The following PWWP2A variants were observed in gnomAD, a reference collection of about 807,000 sequenced individuals.
The protein encoded by PWWP2A is PWWP domain-containing protein 2A.
Under a neutral mutation model 48.5 loss-of-function variants are expected in PWWP2A, and 18 were observed. The ratio of observed to expected loss-of-function variants is 0.37; its 90% CI spans 0.26 to 0.55. The LOEUF is 0.55. Among genes scored for constraint, PWWP2A ranks in the 20% least tolerant of loss-of-function variants. The probability of loss-of-function intolerance (pLI) is 0.81; values close to 1 mark genes in which losing one functional copy is unlikely to be tolerated. For missense variants in PWWP2A, 867 were observed against 976.4 expected, an observed-to-expected ratio of 0.89 and a Z score of 1.49; for synonymous variants, 396 against 387.7, an observed-to-expected ratio of 1.02 and a Z score of -0.25.
the PWWP2A span, among the ~76,000 whole-genome samples, chr5:160,045,506 A>T: frequency 1.9e-4 from 17 of 87,864 alleles, no homozygotes; most frequent in South Asian, 1.3e-3. Flanking sequence ...ACACACACAC[A>T]CACACACATA....
At chr5:160,104,124 A>AAAAAAAAAAAAAAAAAAAAAAAAAAG in intron 1 of PWWP2A, among the ~76,000 whole-genome samples, 1 of 144,638 alleles carries the variant, frequency 6.9e-6, no homozygotes, top group Non-Finnish European at 1.5e-5. Context: ...CTCTGTCTCA[A>AAAAAAAAAAAAAAAAAAAAAAAAAAG]AAAAAAAAAA....
downstream of PWWP2A, chr5:160,090,673 T>C: frequency 2.1e-6 from 2 of 961,132 alleles, no homozygotes; most frequent in Non-Finnish European, 2.4e-6. Context: ...CTATTGATTT[T>C]CAATCTCCAT....
chr5:160,109,824 T>TATAATA (rs1757370876), intron 1 of PWWP2A, among the ~76,000 whole-genome samples: 1 of 91,532 alleles, frequency 1.1e-5, no homozygotes, highest in Non-Finnish European at 2.2e-5. Context: ...AATATAATAA[T>TATAATA]ATATATATAT....
chr5:160,101,202 T>G (rs1756246906), intron 1 of PWWP2A, among the ~76,000 whole-genome samples: 1 of 151,810 alleles, frequency 6.6e-6, no homozygotes, highest in Admixed American at 6.6e-5. Context: ...AATACAAAAA[T>G]TAGTGGGCAT....
chr5:160,115,822 T>C (rs939644051), intron 1 of PWWP2A, among the ~76,000 whole-genome samples: 1 of 151,474 alleles, frequency 6.6e-6, no homozygotes, highest in African/African-American at 2.4e-5. Context: ...CTGAGCAACA[T>C]AGCGAGACCC....
At chr5:160,062,425 C>G (rs1270606663) in intron 5 of PWWP2A, among the ~76,000 whole-genome samples, 1 of 152,184 alleles carries the variant, frequency 6.6e-6, no homozygotes, top group South Asian at 2.1e-4. Flanking sequence ...GTAGCCTCTT[C>G]GTGCCACTGC....
rs1753942966 is a variant in PWWP2A at position 160,077,383 on chromosome 5, A to G, written c.*772T>C. ...TTGGAGTATATACATTTGCACTCCA[A>G]TATCAACACTAGCCTATCCACTTTG... On this transcript the variant is annotated 3_prime_UTR_variant, in exon 4 of 4. Coordinates refer to the PWWP2A transcript ENST00000456329. The surrounding 1 kb of genome is among the most constrained non-coding windows in gnomAD (Gnocchi z 4.2). The G allele has an allele frequency of 6.6e-6, 1 of 152,256 alleles. No individual in the cohort carries two copies. The highest frequency in any genetic ancestry group is 2.1e-4 in the South Asian group (1 of 4,832). 9.4% of individuals were successfully genotyped at this position (152,256 alleles called of 1,614,324 possible).
chr5:160,097,860 C>A (rs371504777), intron 1 of PWWP2A, among the ~76,000 whole-genome samples: 4 of 151,650 alleles, frequency 2.6e-5, no homozygotes, highest in African/African-American at 7.2e-5. Context: ...GGATTACAGA[C>A]GCGAGCCATC....
At chr5:160,102,489 G>T (rs1206378196) in intron 1 of PWWP2A, among the ~76,000 whole-genome samples, 2 of 151,100 alleles carry the variant, frequency 1.3e-5, no homozygotes, top group African/African-American at 4.9e-5. Context: ...TTGAGGCCAG[G>T]AGTTTAATTA....
At chr5:160,056,599 T>C in the PWWP2A span, among the ~76,000 whole-genome samples, 1 of 152,134 alleles carries the variant, frequency 6.6e-6, no homozygotes, top group Non-Finnish European at 1.5e-5. Context: ...GGCATGTGCC[T>C]GTAGTCTCAG....
intron 1 of PWWP2A, among the ~76,000 whole-genome samples, chr5:160,103,532 G>A (rs1474953410): frequency 6.6e-6 from 1 of 152,110 alleles, no homozygotes; most frequent in African/African-American, 2.4e-5. Flanking sequence ...GCCAAATGAG[G>A]TTACAGTCTT....
rs1418320021 is a variant in PWWP2A, at chr5:160,093,867, T to C, written c.783A>G (p.Lys261=). 1.9e-6 allele frequency: 3 copies of C among 1,613,972 alleles called. No individual in the cohort carries two copies. The highest frequency in any genetic ancestry group is 2.7e-5 in the African/African-American group (2 of 75,046). ...CTCCTTCATGGAAGAGAGGTGGTGGTTTGGAAGTCCACAGGCTTTCAGCCA... is the reference window on the plus strand; with the variant it reads ...CTCCTTCATGGAAGAGAGGTGGTGGCTTGGAAGTCCACAGGCTTTCAGCCA... ...LSLAESLWTS[K]PPPLFHEGAP... is the part of the protein sequence containing the mutation. The change falls in exon 2 of 2, where the codon AAA becomes AAG. Residue 261 remains lysine (K), a synonymous_variant. Transcript: ENST00000307063. This position sits in a 1 kb window ranked among gnomAD's most constrained non-coding sequence, Gnocchi z 5.8.
chr5:160,045,836 A>G, the PWWP2A span, among the ~76,000 whole-genome samples: 607 of 151,960 alleles, frequency 4.0e-3, 4 homozygotes, highest in Non-Finnish European at 6.4e-3. Flanking sequence ...TCTGCCTCCC[A>G]GGTTCAAGCG....
At chr5:160,118,625 C>CCGCCCTCTCCCGGTCT (rs58648984) in intron 1 of PWWP2A, among the ~76,000 whole-genome samples, 180 bp downstream of exon 1, 5,047 of 152,126 alleles carry the variant, frequency 0.033, 120 homozygotes, top group East Asian at 0.11. Flanking sequence ...GGGGCCGGGA[C>CCGCCCTCTCCCGGTCT]CGCCCTCTCC....
chr5:160,093,511 T>G lies in PWWP2A; in HGVS notation c.1139A>C (p.Gln380Pro). The G allele has an allele frequency of 6.2e-7, 1 of 1,614,004 alleles. No individual in the cohort carries two copies. The highest frequency in any genetic ancestry group is 8.5e-7 in the Non-Finnish European group (1 of 1,179,884). Residue 380 changes from glutamine (Q) to proline (P), a missense_variant, in exon 2 of 2, where the codon CAG becomes CCG. Gln to Pro is a moderately conservative substitution (Grantham distance 76). This residue lies in a region of PWWP2A where 382 missense variants were observed against 407.2 expected (regional missense o/e 0.94). Coordinates refer to ENST00000307063, the MANE Select transcript of PWWP2A (RefSeq NM_001130864.2). The surrounding 1 kb of genome is among the most constrained non-coding windows in gnomAD (Gnocchi z 5.8). ...KVDGKNQNES[Q>P]KRNAVVKVSN... is the part of the protein sequence containing the mutation. Reference sequence around the variant, plus strand: ...AACCTTAACCACAGCATTTCTTTTCTGGCTTTCATTTTGGTTTTTCCCATC... The same window carrying G: ...AACCTTAACCACAGCATTTCTTTTCGGGCTTTCATTTTGGTTTTTCCCATC...
the PWWP2A span, chr5:160,050,987 T>TA: frequency 5.1e-6 from 3 of 591,234 alleles, no homozygotes; most frequent in African/African-American, 1.9e-5. Context: ...GTTTTTTTTT[T>TA]TTATTTAATA....
In PWWP2A at chr5:160,112,126, C is replaced by CAAAA. The variant is rs11480893; in HGVS notation, c.584+6675_584+6678dup. ...TGGGTGACAGAGCAAGACCCTTTCT[C>CAAAA]AAAAAAAAAAAAAAAAAAAGGAAAA... On this transcript the variant is annotated intron_variant, in intron 1 of 1. Transcript: ENST00000307063. Among the ~76,000 whole-genome samples, 26 of 90,816 alleles carry CAAAA rather than the reference C, an allele frequency of 2.9e-4. 1 individual carries two copies. Among genetic ancestry groups the CAAAA allele is most frequent in the African/African-American group, 6.7e-4 (15 of 22,304 alleles). 59.6% of individuals were successfully genotyped at this position (90,816 alleles called of 152,430 possible). A position where few individuals can be genotyped will look rare whatever the true frequency, so the allele number is the denominator to read the frequency against.
chr5:160,094,382 C>T (rs756511707), intron 1 of PWWP2A, among the ~76,000 whole-genome samples: 3 of 152,206 alleles, frequency 2.0e-5, no homozygotes, highest in Non-Finnish European at 4.4e-5. Flanking sequence ...GCATCACATA[C>T]ATTACATTCA....
At chr5:160,073,161 G>T (rs1232155660), downstream of PWWP2A, among the ~76,000 whole-genome samples, 1 of 151,914 alleles carries the variant, frequency 6.6e-6, no homozygotes, top group East Asian at 1.9e-4. Context: ...GTCATTGATA[G>T]AACTGATAAC....
Sources: allele counts gnomAD v4.1 joint callset (sites outside exome capture counted in the v4.1 genomes callset), GRCh38; gene constraint gnomAD v4.1.1; regional missense constraint gnomAD v4.1.1; non-coding constraint Gnocchi (gnomAD v3.1); transcripts MANE v1.5; gene names NCBI Gene and HGNC (gene_info 2026-07-23, HGNC 2026-07-21).